The following MAPK10 variants were observed in gnomAD, a reference collection of about 807,000 sequenced individuals.
MAPK10 encodes JNK3 alpha protein kinase.
A neutral mutation model predicts 59.3 loss-of-function variants in MAPK10; 25 were observed. The observed-to-expected ratio is 0.42, with a 90% CI of 0.31 to 0.59. The LOEUF (loss-of-function observed/expected upper bound fraction) is 0.59, where lower values mean the gene tolerates loss of function less well. Among genes scored for constraint, MAPK10 ranks in the 20% least tolerant of loss-of-function variants. The pLI, the probability that MAPK10 is intolerant of heterozygous loss-of-function variation, is 0.15. For missense variants in MAPK10, 351 were observed against 568.9 expected, an observed-to-expected ratio of 0.62 and a Z score of 3.90; for synonymous variants, 190 against 200.5, an observed-to-expected ratio of 0.95 and a Z score of 0.44.
At chr4:86,287,897 G>GA (rs1008061668) in intron 2 of MAPK10, among the ~76,000 whole-genome samples, 1 of 152,116 alleles carries the variant, frequency 6.6e-6, no homozygotes, top group Non-Finnish European at 1.5e-5. Context: ...TATATGGAAA[G>GA]AAAATCTATA....
At chr4:86,556,747 T>C (rs1010791883) in intron 1 of MAPK10, among the ~76,000 whole-genome samples, 1 of 152,088 alleles carries the variant, frequency 6.6e-6, no homozygotes, top group Admixed American at 6.5e-5. Context: ...GAGTCTTAGA[T>C]GAAAAAGGGT....
At position 86,221,480 on chromosome 4, in the gene MAPK10, G is replaced by GT. The variant is rs5860022; in HGVS notation, c.-6-27074dup. On this transcript the variant is annotated intron_variant, in intron 2 of 13. Coordinates refer to ENST00000641462, the MANE Select transcript of MAPK10 (RefSeq NM_138982.4). ...AATTGCATATTCAAGTATATTTTTG[G>GT]TTTTTTTTTTTTATAAAAACAGGGT... 8.2e-3 allele frequency among the ~76,000 whole-genome samples: 1,200 copies of GT among 146,172 alleles called. 9 individuals are homozygous for GT. Among genetic ancestry groups the GT allele is most frequent in the African/African-American group, 0.025 (1,010 of 40,436 alleles).
At chr4:86,309,321 C>A in intron 2 of MAPK10, among the ~76,000 whole-genome samples, 1 of 152,116 alleles carries the variant, frequency 6.6e-6, no homozygotes, top group East Asian at 1.9e-4. Flanking sequence ...GCAGGCAAAC[C>A]ATGGTCAGAT....
intron 1 of MAPK10, among the ~76,000 whole-genome samples, chr4:86,379,922 C>A (rs995251406): frequency 6.6e-6 from 1 of 152,050 alleles, no homozygotes; most frequent in African/African-American, 2.4e-5. Context: ...GCTGGTCTTG[C>A]ACTTTTCATT....
intron 1 of MAPK10, among the ~76,000 whole-genome samples, chr4:86,506,508 A>C (rs1436042493): frequency 6.6e-6 from 1 of 152,186 alleles, no homozygotes; most frequent in Non-Finnish European, 1.5e-5. Context: ...CCTGGCACAG[A>C]GTAAGTGCTG....
chr4:86,237,619 T>C (rs1297325847), intron 2 of MAPK10, among the ~76,000 whole-genome samples: 1 of 152,218 alleles, frequency 6.6e-6, no homozygotes. Flanking sequence ...ATGTTAAGCT[T>C]TTTTTCATAT....
chr4:86,246,043 A>G (rs1205014088), intron 2 of MAPK10, among the ~76,000 whole-genome samples: 3 of 152,210 alleles, frequency 2.0e-5, no homozygotes, highest in Admixed American at 6.5e-5. Flanking sequence ...ATGTTTTTCT[A>G]TGCTATTATC....
intron 2 of MAPK10, among the ~76,000 whole-genome samples, chr4:86,278,818 A>C (rs1396437046): frequency 6.6e-6 from 1 of 152,114 alleles, no homozygotes; most frequent in Non-Finnish European, 1.5e-5. Flanking sequence ...TCCAAATGGA[A>C]GGATGATTTA....
At chr4:86,056,534 A>G (rs181799952) in intron 11 of MAPK10, among the ~76,000 whole-genome samples, 4 of 150,324 alleles carry the variant, frequency 2.7e-5, no homozygotes, top group Admixed American at 1.3e-4. Flanking sequence ...CACAGTTAAT[A>G]AAGGTAGAAA....
At chr4:86,140,782 T>C (rs1336600606) in intron 4 of MAPK10, among the ~76,000 whole-genome samples, 2 of 151,370 alleles carry the variant, frequency 1.3e-5, no homozygotes, top group Non-Finnish European at 1.5e-5. Flanking sequence ...TGTGCACAAA[T>C]ACACACACAC....
At chr4:86,299,212 G>A (rs888065362) in intron 2 of MAPK10, among the ~76,000 whole-genome samples, 19 of 152,058 alleles carry the variant, frequency 1.2e-4, no homozygotes, top group African/African-American at 2.9e-4. Context: ...GCAAACTTTC[G>A]AAATAAACTT....
At chr4:86,370,229 CTT>C (rs1738547579) in intron 1 of MAPK10, among the ~76,000 whole-genome samples, 1 of 152,034 alleles carries the variant, frequency 6.6e-6, no homozygotes, top group Admixed American at 6.6e-5. Flanking sequence ...TAATAATAAA[CTT>C]GAAGAAATTT....
At chr4:86,318,519 G>A (rs2148886636) in intron 2 of MAPK10, among the ~76,000 whole-genome samples, 1 of 152,140 alleles carries the variant, frequency 6.6e-6, no homozygotes, top group Non-Finnish European at 1.5e-5. Flanking sequence ...GTAATCCATG[G>A]GAAGACCTAT....
rs761248992 is a variant in MAPK10, at chr4:86,159,363, G to A, written c.171C>T (p.Thr57=). The A allele has an allele frequency of 6.2e-7, 1 of 1,612,752 alleles. No individual in the cohort carries two copies. Among genetic ancestry groups the A allele is most frequent in the African/African-American group, 1.3e-5 (1 of 74,884 alleles). ...TCTGGTAGCGCTTGAGAACTGTGAA[G>A]GTTGAGTCTCCCACTTCCACACTGT... ...QFYSVEVGDS[T]FTVLKRYQNL... is the part of the protein sequence containing the mutation. Residue 57 remains threonine (T), a synonymous_variant, in exon 4 of 14, where the codon ACC becomes ACT. Transcript: ENST00000641462.
chr4:86,180,517 G>T (rs1011534731), intron 3 of MAPK10, among the ~76,000 whole-genome samples: 2 of 141,848 alleles, frequency 1.4e-5, no homozygotes, highest in Non-Finnish European at 1.6e-5. Context: ...GAAGAAAAAA[G>T]AAAACTAGTG....
chr4:86,181,055 G>T (rs555220050), intron 3 of MAPK10, among the ~76,000 whole-genome samples: 4 of 152,144 alleles, frequency 2.6e-5, no homozygotes, highest in African/African-American at 9.6e-5. Context: ...TCACCCTGAT[G>T]TGATTACTAT....
intron 2 of MAPK10, among the ~76,000 whole-genome samples, chr4:86,262,606 T>C (rs889108405): frequency 6.6e-6 from 1 of 152,214 alleles, no homozygotes; most frequent in Admixed American, 6.5e-5. Flanking sequence ...ATGCTTGACA[T>C]ATAGTAGAAC....
intron 1 of MAPK10, among the ~76,000 whole-genome samples, chr4:86,395,094 A>G (rs1372297372): frequency 6.6e-6 from 1 of 152,160 alleles, no homozygotes; most frequent in African/African-American, 2.4e-5. Flanking sequence ...ATGTCATTGC[A>G]GCCTTCAATA....
chr4:86,399,294 G>C (rs1700448157), intron 1 of MAPK10, among the ~76,000 whole-genome samples: 1 of 152,054 alleles, frequency 6.6e-6, no homozygotes, highest in Admixed American at 6.6e-5. Flanking sequence ...AATAAAAGCT[G>C]TTCTGACTGG....
Sources: gnomAD v4.1 joint callset for allele counts (sites outside exome capture counted in the v4.1 genomes callset) on GRCh38, gnomAD v4.1.1 for gene constraint, MANE v1.5 for transcripts, NCBI Gene and HGNC (gene_info 2026-07-23, HGNC 2026-07-21) for gene names.